Variants in TMEM144 observed in about 807,000 individuals in gnomAD.
TMEM144 encodes transmembrane protein 144.
TMEM144 carries 39 observed loss-of-function variants against 43.6 expected under a neutral mutation model. The observed-to-expected ratio is 0.90, with a 90% CI of 0.69 to 1.17. TMEM144 has a LOEUF of 1.17. Among genes scored for constraint, TMEM144 ranks in the 50% most tolerant of loss-of-function variants. TMEM144 has a pLI of 0.00. For missense variants in TMEM144, 417 were observed against 411.9 expected (o/e 1.01, Z -0.11); for synonymous variants, 154 against 133.6 (o/e 1.15, Z -1.06).
Position 158,215,083 on chromosome 4 carries a change from C to T in TMEM144, c.110-108C>T, listed in dbSNP as rs559677949. On this transcript the variant is annotated intron_variant, in intron 3 of 12. Transcript: ENST00000296529. ...AATGTGCAAAGTCCATGGCATATGG[C>T]ATTTAATAAATTGTGGCCATTCCTG... 6.2e-5 allele frequency: 84 copies of T among 1,359,308 alleles called. 2 individuals are homozygous for T. In the South Asian group the frequency reaches 9.6e-4, roughly 16 times the overall value. The allele number at this position is 1,359,308 out of a possible 1,614,324, so 84.2% of individuals were successfully genotyped here.
intron 5 of TMEM144, among the ~76,000 whole-genome samples, chr4:158,217,824 A>G (rs1296170524): frequency 1.3e-5 from 2 of 152,254 alleles, no homozygotes; most frequent in Non-Finnish European, 2.9e-5. Context: ...CACAGAACTA[A>G]GAAGCTAGGA....
chr4:158,221,621 C>CT (rs1183573499), intron 6 of TMEM144, among the ~76,000 whole-genome samples: 1 of 152,174 alleles, frequency 6.6e-6, no homozygotes, highest in Admixed American at 6.5e-5. Context: ...TTTGGATTAT[C>CT]TTTAAGGACA....
intron 3 of TMEM144, chr4:158,213,059 C>T (rs541113786): frequency 2.0e-6 from 1 of 493,772 alleles, no homozygotes; most frequent in Non-Finnish European, 3.6e-6. Flanking sequence ...TCTACTATAA[C>T]ACCTGTTTTG....
intron 11 of TMEM144, among the ~76,000 whole-genome samples, chr4:158,243,005 G>C (rs1168122551): frequency 1.3e-5 from 2 of 152,110 alleles, no homozygotes; most frequent in East Asian, 3.9e-4. Flanking sequence ...ATAACTCTTA[G>C]GCCATGCTTA....
intron 12 of TMEM144, among the ~76,000 whole-genome samples, chr4:158,245,258 GTGTGTA>G (rs368017000): frequency 0.3 from 27,893 of 94,440 alleles, 2,653 homozygotes; most frequent in African/African-American, 0.33. Flanking sequence ...GTGTGTGTGT[GTGTGTA>G]TGTATGTTTT....
Position 158,244,315 on chromosome 4 carries a change from C to T in TMEM144, c.920C>T (p.Ala307Val). Residue 307 changes from alanine (A) to valine (V), a missense_variant, in exon 12 of 13, where the codon GCA becomes GTA. Coordinates refer to ENST00000296529, the MANE Select transcript of TMEM144 (RefSeq NM_018342.5). ...TTTAAGGGTCCAGGATTTATAGCTG[C>T]AATGTGGGGTATCTTCATGTTTAAG... is the stretch of plus-strand genomic sequence containing the variant. ...IITAGPGFIA[A>V]MWGIFMFKEI... 1 of 1,606,454 alleles carries T rather than the reference C, an allele frequency of 6.2e-7. No individual in the cohort carries two copies. The highest frequency in any genetic ancestry group is 8.5e-7 in the Non-Finnish European group (1 of 1,176,008).
At chr4:158,225,053 G>A (rs1047786170) in intron 6 of TMEM144, among the ~76,000 whole-genome samples, 2 of 152,166 alleles carry the variant, frequency 1.3e-5, no homozygotes, top group Non-Finnish European at 1.5e-5. Context: ...GCATTCATTG[G>A]CTAGTAATGT....
intron 11 of TMEM144, among the ~76,000 whole-genome samples, chr4:158,243,469 G>C (rs1735722895): frequency 6.6e-6 from 1 of 152,076 alleles, no homozygotes; most frequent in Admixed American, 6.6e-5. Flanking sequence ...AACTCTTCCA[G>C]AGTTTCTCGG....
At chr4:158,239,762 A>C (rs1232712415) in intron 9 of TMEM144, among the ~76,000 whole-genome samples, 1 of 152,194 alleles carries the variant, frequency 6.6e-6, no homozygotes, top group Non-Finnish European at 1.5e-5. Context: ...GATCATAAAA[A>C]CTAGCCTTTA....
At chr4:158,218,362 T>C (rs1328599303) in intron 5 of TMEM144, among the ~76,000 whole-genome samples, 2 of 152,164 alleles carry the variant, frequency 1.3e-5, no homozygotes, top group Non-Finnish European at 1.5e-5. Context: ...GAGTGGAATG[T>C]GGGGTGTTAT....
At chr4:158,233,160 G>C (rs760219561) in intron 7 of TMEM144, 178 bp downstream of exon 7, 4 of 487,620 alleles carry the variant, frequency 8.2e-6, no homozygotes, top group Admixed American at 3.7e-5. Flanking sequence ...TATTTCCGCA[G>C]TTGAGCTTCT....
intron 8 of TMEM144, among the ~76,000 whole-genome samples, chr4:158,236,682 T>C (rs1257636315): frequency 2.0e-5 from 3 of 152,116 alleles, no homozygotes; most frequent in Non-Finnish European, 4.4e-5. Flanking sequence ...GGGTTTTTTG[T>C]GTGATTTTTT....
intron 10 of TMEM144, 122 bp downstream of exon 10, chr4:158,240,540 T>TTGTG (rs141564444): frequency 2.0e-6 from 2 of 985,920 alleles, no homozygotes; most frequent in East Asian, 2.7e-5. Flanking sequence ...TGTGTGTGTG[T>TTGTG]TGTGTGTGTG....
In TMEM144 at chr4:158,224,954, G is replaced by A. The variant is rs553950810; in HGVS notation, c.413+5564G>A. Among the ~76,000 whole-genome samples, 17 of 152,266 alleles carry A rather than the reference G, an allele frequency of 1.1e-4. No individual in the cohort carries two copies. The East Asian group carries it at 3.1e-3, about 28-fold the overall frequency. On this transcript the variant is annotated intron_variant, in intron 6 of 12. Transcript: ENST00000296529. ...ATGTTCAACTGGGCTCTCTAATACC[G>A]AGAGCAAGGTGGCAGGGTCAGGGTG... is the stretch of plus-strand genomic sequence containing the variant.
intron 10 of TMEM144, among the ~76,000 whole-genome samples, chr4:158,240,989 A>G (rs1280607862): frequency 2.6e-5 from 4 of 152,254 alleles, no homozygotes; most frequent in Non-Finnish European, 5.9e-5. Flanking sequence ...AAAATAAAGC[A>G]TAAGTCAGAG....
At chr4:158,212,976 T>C (rs2111097615) in intron 3 of TMEM144, 200 bp downstream of exon 3, 1 of 605,340 alleles carries the variant, frequency 1.7e-6, no homozygotes, top group Admixed American at 2.9e-5. Context: ...GGTTGTTTCA[T>C]GGTAAAGTTA....
chr4:158,210,922 A>T (rs1180224928), intron 1 of TMEM144: 1 of 151,958 alleles, frequency 6.6e-6, no homozygotes, highest in African/African-American at 2.4e-5. Context: ...GTAATAAAAT[A>T]AAAATGAATT....
At chr4:158,250,307 C>T (rs547362127) in intron 12 of TMEM144, among the ~76,000 whole-genome samples, 1 of 151,026 alleles carries the variant, frequency 6.6e-6, no homozygotes, top group African/African-American at 2.4e-5. Flanking sequence ...ACATTCCCTC[C>T]ATCCTGGACT....
chr4:158,245,040 A>G (rs1039393307), intron 12 of TMEM144, among the ~76,000 whole-genome samples: 2 of 152,166 alleles, frequency 1.3e-5, no homozygotes, highest in African/African-American at 2.4e-5. Context: ...CCCCTGAGGT[A>G]AATCATCTTT....
Sources: gnomAD v4.1 joint callset for allele counts (sites outside exome capture counted in the v4.1 genomes callset) on GRCh38, gnomAD v4.1.1 for gene constraint, MANE v1.5 for transcripts, NCBI Gene and HGNC (gene_info 2026-07-23, HGNC 2026-07-21) for gene names.